Variants in DYRK1A observed in about 807,000 individuals in gnomAD.
The protein encoded by DYRK1A is dual specificity tyrosine-phosphorylation-regulated kinase 1A.
Under a neutral mutation model 79.7 loss-of-function variants are expected in DYRK1A, and 9 were observed. The ratio of observed to expected loss-of-function variants is 0.11; its 90% CI spans 0.07 to 0.20. The LOEUF (loss-of-function observed/expected upper bound fraction) is 0.20, where lower values mean the gene tolerates loss of function less well. Among genes scored for constraint, DYRK1A ranks in the 10% least tolerant of loss-of-function variants. The pLI is 1.00. For missense variants in DYRK1A, 622 were observed against 956.0 expected, an observed-to-expected ratio of 0.65 and a Z score of 4.61; for synonymous variants, 349 against 329.7, an observed-to-expected ratio of 1.06 and a Z score of -0.63.
intron 1 of DYRK1A, among the ~76,000 whole-genome samples, chr21:37,402,870 C>A (rs916689158): frequency 6.6e-6 from 1 of 152,118 alleles, no homozygotes; most frequent in African/African-American, 2.4e-5. Flanking sequence ...TCAAGTGATT[C>A]TCATGCCTTA....
intron 2 of DYRK1A, among the ~76,000 whole-genome samples, chr21:37,451,828 C>T (rs1343396939): frequency 6.6e-6 from 1 of 152,176 alleles, no homozygotes; most frequent in Non-Finnish European, 1.5e-5. Context: ...GACCAGTTCC[C>T]TGTAAGATTC....
intron 2 of DYRK1A, among the ~76,000 whole-genome samples, chr21:37,433,514 T>G (rs1033660445): frequency 1.6e-4 from 25 of 152,246 alleles, no homozygotes; most frequent in Non-Finnish European, 4.4e-5. Context: ...TTAAAATCTT[T>G]CCCTTTTATT....
At chr21:37,456,543 GC>G (rs1304631410) in intron 2 of DYRK1A, among the ~76,000 whole-genome samples, 1 of 152,156 alleles carries the variant, frequency 6.6e-6, no homozygotes, top group Admixed American at 6.5e-5. Context: ...TCCTAACCCT[GC>G]GTCTTTTTCC....
chr21:37,374,791 G>T (rs911668295), intron 1 of DYRK1A, among the ~76,000 whole-genome samples: 1 of 152,108 alleles, frequency 6.6e-6, no homozygotes, highest in Non-Finnish European at 1.5e-5. Flanking sequence ...CTGACCTCGT[G>T]ATCCGCCTGC....
At chr21:37,462,987 A>G (rs1183626724) in intron 2 of DYRK1A, among the ~76,000 whole-genome samples, 1 of 152,208 alleles carries the variant, frequency 6.6e-6, no homozygotes, top group Non-Finnish European at 1.5e-5. Flanking sequence ...GATAATACAA[A>G]TTCCTAAGGG....
At chr21:37,490,771 A>G (rs1601272245) in intron 7 of DYRK1A, among the ~76,000 whole-genome samples, 1 of 152,064 alleles carries the variant, frequency 6.6e-6, no homozygotes, top group Admixed American at 6.5e-5. Context: ...CTTTGAGTCA[A>G]AAGACATTGA....
At chr21:37,430,980 GT>G (rs751371278) in intron 2 of DYRK1A, among the ~76,000 whole-genome samples, 1 of 151,880 alleles carries the variant, frequency 6.6e-6, no homozygotes, top group Non-Finnish European at 1.5e-5. Flanking sequence ...TTCTGCTCTG[GT>G]TCCTAGATCT....
intron 2 of DYRK1A, among the ~76,000 whole-genome samples, chr21:37,443,981 G>A (rs1480625409): frequency 1.3e-5 from 2 of 152,202 alleles, no homozygotes; most frequent in Non-Finnish European, 2.9e-5. Flanking sequence ...GGGGACACAA[G>A]TTGACCTGTA....
chr21:37,420,331 C>A lies in DYRK1A; in HGVS notation c.-44C>A. The A allele has an allele frequency of 6.2e-7, 1 of 1,606,876 alleles. No homozygotes were observed. The highest frequency in any genetic ancestry group is 8.5e-7 in the Non-Finnish European group (1 of 1,174,976). ...GTTTTGCCGCTGGACTCTTCCCTCC[C>A]TTCCCCCACCCCATCAGGATGATAT... On this transcript the variant is annotated 5_prime_UTR_variant, in exon 2 of 12. Coordinates refer to ENST00000647188, the MANE Select transcript of DYRK1A (RefSeq NM_001347721.2).
chr21:37,475,647 G>A (rs1162246911), intron 3 of DYRK1A, among the ~76,000 whole-genome samples: 1 of 152,176 alleles, frequency 6.6e-6, no homozygotes. Context: ...AAACAGCTTG[G>A]CCTTGTAGGC....
chr21:37,486,100 T>C (rs1252212950), intron 5 of DYRK1A: 1 of 153,576 alleles, frequency 6.5e-6, no homozygotes, highest in African/African-American at 2.4e-5. Flanking sequence ...TGAGTTGTTT[T>C]ATAGTGTTAT....
At chr21:37,487,699 A>C (rs1470227912) in intron 6 of DYRK1A, 2 of 152,188 alleles carry the variant, frequency 1.3e-5, no homozygotes, top group African/African-American at 4.8e-5. Flanking sequence ...GATCTTTAAA[A>C]GGGGCAAGCT....
chr21:37,473,025 G>T, intron 3 of DYRK1A, 145 bp downstream of exon 3: 1 of 540,460 alleles, frequency 1.9e-6, no homozygotes, highest in Non-Finnish European at 2.8e-6. Context: ...ATGTTAAGAA[G>T]TTTGCATTAA....
At chr21:37,397,228 G>A (rs1602401418) in intron 1 of DYRK1A, among the ~76,000 whole-genome samples, 1 of 152,314 alleles carries the variant, frequency 6.6e-6, no homozygotes, top group Non-Finnish European at 1.5e-5. Flanking sequence ...TATGGAAGAT[G>A]ATGACTGGAG....
chr21:37,401,221 C>G, intron 1 of DYRK1A, among the ~76,000 whole-genome samples: 1 of 152,076 alleles, frequency 6.6e-6, no homozygotes, highest in East Asian at 1.9e-4. Flanking sequence ...TAATTTTGGA[C>G]TGGTCTAATA....
chr21:37,429,087 A>G (rs893909564), intron 2 of DYRK1A, among the ~76,000 whole-genome samples: 3 of 152,226 alleles, frequency 2.0e-5, no homozygotes, highest in African/African-American at 7.2e-5. Flanking sequence ...TTAGAGAGAA[A>G]CACAAATAAG....
At chr21:37,469,701 C>G (rs975085541) in intron 2 of DYRK1A, among the ~76,000 whole-genome samples, 4 of 152,040 alleles carry the variant, frequency 2.6e-5, no homozygotes, top group Non-Finnish European at 5.9e-5. Context: ...AGCCTTTTTT[C>G]GTGAGAACTC....
At chr21:37,497,156 G>A (rs919424972) in intron 9 of DYRK1A, among the ~76,000 whole-genome samples, 3 of 151,762 alleles carry the variant, frequency 2.0e-5, no homozygotes, top group Admixed American at 6.6e-5. Context: ...TTTAGCGGAC[G>A]CTGCCACCAG....
chr21:37,438,056 A>G (rs2050978884), intron 2 of DYRK1A, among the ~76,000 whole-genome samples: 1 of 152,050 alleles, frequency 6.6e-6, no homozygotes, highest in Non-Finnish European at 1.5e-5. Flanking sequence ...TTGGGTAGTG[A>G]TATCTCATTG....
Sources: allele counts gnomAD v4.1 joint callset (sites outside exome capture counted in the v4.1 genomes callset), GRCh38; gene constraint gnomAD v4.1.1; transcripts MANE v1.5; gene names NCBI Gene and HGNC (gene_info 2026-07-23, HGNC 2026-07-21).